STAB2: variants seen among roughly 807,000 people sequenced by gnomAD.
The protein encoded by STAB2 is stabilin 2.
Under a neutral mutation model 338.1 loss-of-function variants are expected in STAB2, and 288 were observed. The observed-to-expected ratio is 0.85, with a 90% CI of 0.77 to 0.94. STAB2 has a LOEUF of 0.94. STAB2 is among the 40% of genes least tolerant of loss of function. The pLI, the probability that STAB2 is intolerant of heterozygous loss-of-function variation, is 0.00. For synonymous variants in STAB2, 1,202 were observed against 1,193.3 expected, an observed-to-expected ratio of 1.01 and a Z score of -0.15; for missense variants, 3,141 against 3,210.1, an observed-to-expected ratio of 0.98 and a Z score of 0.52.
rs1272430550 is a variant in STAB2 at position 103,755,422 on chromosome 12, C to A, written c.6835C>A (p.Pro2279Thr). The A allele has an allele frequency of 6.2e-7, 1 of 1,614,106 alleles. No individual in the cohort carries two copies. The highest frequency in any genetic ancestry group is 8.5e-7 in the Non-Finnish European group (1 of 1,180,022). ...TGGGATAGTGGACTATGGACCTAGA[C>A]CCAACAAGAGTGAAATGTGGGATGT... ...VVGIVDYGPR[P>T]NKSEMWDVFC... The change falls in exon 62 of 69, where the codon CCC becomes ACC. Residue 2279 changes from proline (P) to threonine (T), a missense_variant. Physicochemically the swap from Pro to Thr is conservative, Grantham distance 38. Coordinates refer to ENST00000388887, the MANE Select transcript of STAB2 (RefSeq NM_017564.10).
chr12:103,674,931 T>A (rs1249832179), intron 23 of STAB2, among the ~76,000 whole-genome samples: 1 of 152,202 alleles, frequency 6.6e-6, no homozygotes, highest in Non-Finnish European at 1.5e-5. Context: ...TCTATATCGG[T>A]GCATAAGGCA....
intron 30 of STAB2, among the ~76,000 whole-genome samples, chr12:103,692,593 G>A (rs532091900): frequency 3.4e-3 from 514 of 149,676 alleles, no homozygotes; most frequent in Non-Finnish European, 5.4e-3. Flanking sequence ...CTCTCTCTCT[G>A]TCTCTGTGTG....
chr12:103,756,908 G>A (rs1387882596), intron 63 of STAB2, among the ~76,000 whole-genome samples: 1 of 150,854 alleles, frequency 6.6e-6, no homozygotes, highest in East Asian at 2.0e-4. Context: ...GCTTACAACA[G>A]CATTTCAAAG....
At chr12:103,755,128 C>CA (rs1883996090) in intron 61 of STAB2, 174 bp from the exon 62 acceptor site, 3 of 811,858 alleles carry the variant, frequency 3.7e-6, no homozygotes, top group Non-Finnish European at 5.8e-6. Context: ...CCCAGTGGCT[C>CA]AATCAATCAG....
intron 15 of STAB2, among the ~76,000 whole-genome samples, chr12:103,657,331 T>A (rs1386414067): frequency 6.6e-6 from 1 of 152,060 alleles, no homozygotes; most frequent in Non-Finnish European, 1.5e-5. Context: ...TGATGCACAT[T>A]TTAATAATAA....
At chr12:103,630,724 C>T (rs1021082929) in intron 5 of STAB2, among the ~76,000 whole-genome samples, 4 of 152,170 alleles carry the variant, frequency 2.6e-5, no homozygotes, top group African/African-American at 9.7e-5. Context: ...GAAAGGGTTT[C>T]ATGAGCCCAG....
chr12:103,684,831 C>T (rs1877247956), intron 26 of STAB2, among the ~76,000 whole-genome samples, 158 bp from the exon 27 acceptor site: 1 of 152,210 alleles, frequency 6.6e-6, no homozygotes, highest in African/African-American at 2.4e-5. Context: ...AGACAGGAGA[C>T]TTTCACTGCA....
intron 5 of STAB2, among the ~76,000 whole-genome samples, chr12:103,626,683 T>C (rs831684): frequency 0.51 from 77,453 of 152,014 alleles, 20,167 homozygotes; most frequent in Non-Finnish European, 0.56. Flanking sequence ...TCCAGGCATC[T>C]ACTGGGTGCC....
intron 68 of STAB2, chr12:103,763,840 G>A (rs1884719992): frequency 5.1e-6 from 2 of 395,004 alleles, no homozygotes; most frequent in Admixed American, 4.2e-5. Context: ...AGAGACAGGC[G>A]AGAACAAGAG....
intron 68 of STAB2, among the ~76,000 whole-genome samples, chr12:103,765,059 CT>C (rs1322670434): frequency 8.4e-6 from 1 of 119,270 alleles, no homozygotes; most frequent in Non-Finnish European, 1.6e-5. Flanking sequence ...TGCACTCCAG[CT>C]TGGGCAGCAG....
chr12:103,618,332 A>G (rs898814682), intron 3 of STAB2, among the ~76,000 whole-genome samples: 1 of 152,184 alleles, frequency 6.6e-6, no homozygotes, highest in African/African-American at 2.4e-5. Context: ...GTCACCATCT[A>G]TGAACCAGAA....
chr12:103,629,742 G>C (rs753252829), intron 5 of STAB2, among the ~76,000 whole-genome samples: 2 of 152,218 alleles, frequency 1.3e-5, no homozygotes, highest in Non-Finnish European at 2.9e-5. Context: ...AGCTCCCATT[G>C]GTTGGTCATG....
chr12:103,625,482 G>T (rs1957367086), intron 5 of STAB2, among the ~76,000 whole-genome samples: 1 of 152,076 alleles, frequency 6.6e-6, no homozygotes, highest in Non-Finnish European at 1.5e-5. Context: ...TTAACATTAG[G>T]TATATCTCCT....
At chr12:103,674,786 GCTTTT>G (rs1489335902) in intron 23 of STAB2, among the ~76,000 whole-genome samples, 1 of 152,278 alleles carries the variant, frequency 6.6e-6, no homozygotes, top group East Asian at 1.9e-4. Flanking sequence ...TCCTTGCACT[GCTTTT>G]CTTAATTTTT....
chr12:103,631,788 G>T (rs1214682772), intron 6 of STAB2, 95 bp downstream of exon 6: 2 of 1,231,560 alleles, frequency 1.6e-6, no homozygotes, highest in Non-Finnish European at 2.4e-6. Context: ...CTCTGCAGGG[G>T]CAAGGTACTA....
At chr12:103,759,351 A>G (rs1884375194) in intron 65 of STAB2, 78 bp downstream of exon 65, 1 of 1,553,146 alleles carries the variant, frequency 6.4e-7, no homozygotes, top group African/African-American at 1.4e-5. Flanking sequence ...GGTGCTTAAT[A>G]GATGGCAACT....
chr12:103,629,167 A>G (rs914262457), intron 5 of STAB2, among the ~76,000 whole-genome samples: 2 of 152,230 alleles, frequency 1.3e-5, no homozygotes, highest in African/African-American at 4.8e-5. Context: ...CTGCTGGCCT[A>G]GTTGCTACCA....
intron 21 of STAB2, among the ~76,000 whole-genome samples, chr12:103,670,360 C>A (rs1177629413): frequency 6.6e-6 from 1 of 152,186 alleles, no homozygotes; most frequent in Non-Finnish European, 1.5e-5. Flanking sequence ...AGTCACAGAG[C>A]TGAGCAGGTG....
intron 3 of STAB2, among the ~76,000 whole-genome samples, chr12:103,609,001 G>A (rs1226859618): frequency 1.3e-5 from 2 of 152,184 alleles, no homozygotes; most frequent in African/African-American, 2.4e-5. Flanking sequence ...AGTTGTAGAT[G>A]TGTGGCATTA....
Sources: allele counts gnomAD v4.1 joint callset (sites outside exome capture counted in the v4.1 genomes callset), GRCh38; gene constraint gnomAD v4.1.1; transcripts MANE v1.5; gene names NCBI Gene and HGNC (gene_info 2026-07-23, HGNC 2026-07-21).